IPMK: variants seen among roughly 807,000 people sequenced by gnomAD.
IPMK encodes the protein inositol 1,3,4,6-tetrakisphosphate 5-kinase.
Under a neutral mutation model 45.8 loss-of-function variants are expected in IPMK, and 17 were observed. The ratio of observed to expected loss-of-function variants is 0.37; its 90% confidence interval spans 0.25 to 0.56. The LOEUF is 0.56. Among genes scored for constraint, IPMK ranks in the 20% least tolerant of loss-of-function variants. IPMK has a pLI of 0.79. For synonymous variants in IPMK, 180 were observed against 184.3 expected (o/e 0.98, Z 0.19); for missense variants, 399 against 498.0 (o/e 0.80, Z 1.89).
chr10:58,245,392 T>A (rs1293803221), intron 1 of IPMK, among the ~76,000 whole-genome samples: 1 of 151,896 alleles, frequency 6.6e-6, no homozygotes, highest in African/African-American at 2.4e-5. Flanking sequence ...GACAGCCGGA[T>A]CACGAGGTCA....
rs745880735 is a variant in IPMK, at chr10:58,267,568, C to T, written c.44G>A (p.Gly15Asp). 1.2e-6 allele frequency: 2 copies of T among 1,608,588 alleles called. No individual in the cohort carries two copies. Among genetic ancestry groups the T allele is most frequent in the Non-Finnish European group, 8.5e-7 (1 of 1,177,842 alleles). The part of the protein sequence containing the change: ...PPSPLRVEAP[G>D]PPEMRTSPAI... ...CGGTGAGGTCCGCATTTCTGGGGGG[C>T]CCGGCGCCTCGACCCGGAGGGGGGA... The change falls in exon 1 of 6, where the codon GGC (glycine) becomes GAC (aspartate). Residue 15 changes from glycine (G) to aspartate (D), a missense_variant. Gly to Asp is a moderately conservative substitution (Grantham distance 94, BLOSUM62 -1). Around this residue, in one of 2 missense-constraint regions of IPMK, gnomAD observed 111 missense variants for 99.9 expected, o/e 1.11. Coordinates refer to ENST00000373935, the MANE Select transcript of IPMK (RefSeq NM_152230.5).
At chr10:58,233,322 G>A (rs1187894194) in intron 2 of IPMK, among the ~76,000 whole-genome samples, 2 of 152,142 alleles carry the variant, frequency 1.3e-5, no homozygotes, top group Non-Finnish European at 2.9e-5. Flanking sequence ...CTCATTTTAT[G>A]AGGCCAACAT....
At chr10:58,237,617 C>T (rs1319971804) in intron 2 of IPMK, 112 bp downstream of exon 2, 9 of 755,542 alleles carry the variant, frequency 1.2e-5, no homozygotes, top group African/African-American at 5.3e-5. Flanking sequence ...CTTTTGTTTC[C>T]GTTACATACA....
At chr10:58,228,875 A>G (rs189509254) in intron 2 of IPMK, among the ~76,000 whole-genome samples, 173 of 152,136 alleles carry the variant, frequency 1.1e-3, no homozygotes, top group African/African-American at 3.9e-3. Context: ...GCTCTCAAGG[A>G]AAAAAAAGGG....
intron 3 of IPMK, among the ~76,000 whole-genome samples, chr10:58,221,530 AT>A (rs1475175230): frequency 1.3e-5 from 2 of 152,152 alleles, no homozygotes; most frequent in Non-Finnish European, 2.9e-5. Context: ...ATCCAAAAAA[AT>A]ATAATGAACT....
chr10:58,251,725 T>A (rs1008543014), intron 1 of IPMK, among the ~76,000 whole-genome samples: 2 of 152,208 alleles, frequency 1.3e-5, no homozygotes, highest in African/African-American at 4.8e-5. Flanking sequence ...TCCTTCACCA[T>A]TATGTAACAA....
In IPMK at chr10:58,267,809, C is replaced by T; in HGVS notation, c.-198G>A. The T allele has an allele frequency of 7.8e-6, 4 of 512,354 alleles. No individual in the cohort carries two copies. In the South Asian group the frequency reaches 8.0e-5, roughly 10 times the overall value. The allele number at this position is 512,354 out of a possible 1,614,324, so 31.7% of individuals were successfully genotyped here. ...GGGCGCTCCTCTGCCCAACTCTCGG[C>T]GGAACGCGGCTCCCGGCTCCTGTTC... On this transcript the variant is annotated 5_prime_UTR_variant, in exon 1 of 6. Transcript: ENST00000373935.
chr10:58,220,171 T>C (rs1246919966), intron 3 of IPMK, among the ~76,000 whole-genome samples: 1 of 152,070 alleles, frequency 6.6e-6, no homozygotes, highest in South Asian at 2.1e-4. Context: ...TACTGTAACA[T>C]GTAAGTCCCT....
rs1451869581 is a variant in IPMK at position 58,253,736 on chromosome 10, AAAAAAAAAAAAAAAG to A, written c.190+13671_190+13685del. ...GCGACAGAGTAAGACTCCATCTCCA[AAAAAAAAAAAAAAAG>A]AAAAAAAAAGAAAAGAAAAAGAAAA... On this transcript the variant is annotated intron_variant, in intron 1 of 5. Transcript: ENST00000373935. Among the ~76,000 whole-genome samples the A allele has an allele frequency of 1.6e-5, 2 of 124,706 alleles. 1 individual carries two copies. Among genetic ancestry groups the A allele is most frequent in the East Asian group, 5.0e-4 (2 of 3,968 alleles). The allele number at this position is 124,706 out of a possible 152,430, so 81.8% of individuals were successfully genotyped here.
chr10:58,265,363 AT>A (rs1217114771), intron 1 of IPMK, among the ~76,000 whole-genome samples: 1 of 152,218 alleles, frequency 6.6e-6, no homozygotes. Flanking sequence ...AACAAAGCTT[AT>A]CCTGAGAATT....
chr10:58,224,723 T>C (rs185463580), intron 3 of IPMK, among the ~76,000 whole-genome samples: 9 of 152,282 alleles, frequency 5.9e-5, no homozygotes, highest in African/African-American at 2.2e-4. Flanking sequence ...TATAAAACTC[T>C]ACCCTGGACA....
intron 3 of IPMK, among the ~76,000 whole-genome samples, chr10:58,218,779 G>A (rs999576639): frequency 6.6e-6 from 1 of 152,164 alleles, no homozygotes; most frequent in Non-Finnish European, 1.5e-5. Context: ...AGAGAAGCTA[G>A]GGTAGAGGCT....
chr10:58,259,401 A>G (rs1839022028), intron 1 of IPMK, among the ~76,000 whole-genome samples: 1 of 152,120 alleles, frequency 6.6e-6, no homozygotes, highest in Admixed American at 6.5e-5. Context: ...CAACCATAAC[A>G]TCAAGCAGCA....
intron 4 of IPMK, among the ~76,000 whole-genome samples, chr10:58,204,689 G>T (rs1763473106): frequency 6.6e-6 from 1 of 152,000 alleles, no homozygotes. Context: ...CAATTACTTG[G>T]GAGGCTTAAG....
At chr10:58,232,516 A>G (rs1486093844) in intron 2 of IPMK, among the ~76,000 whole-genome samples, 2 of 152,260 alleles carry the variant, frequency 1.3e-5, no homozygotes, top group African/African-American at 4.8e-5. Context: ...AGAACTCAGG[A>G]TTAAGAAACT....
intron 1 of IPMK, among the ~76,000 whole-genome samples, chr10:58,260,627 T>C (rs538296517): frequency 3.3e-4 from 50 of 152,280 alleles, no homozygotes; most frequent in African/African-American, 1.1e-3. Context: ...TGTACTATTC[T>C]GGCATATTTT....
chr10:58,256,669 A>T (rs1838972736), intron 1 of IPMK, among the ~76,000 whole-genome samples: 1 of 152,156 alleles, frequency 6.6e-6, no homozygotes, highest in Non-Finnish European at 1.5e-5. Context: ...TTTGCAGTTC[A>T]GGGGGCATCA....
intron 1 of IPMK, among the ~76,000 whole-genome samples, chr10:58,262,968 C>A (rs1234373381): frequency 6.6e-6 from 1 of 152,166 alleles, no homozygotes; most frequent in African/African-American, 2.4e-5. Context: ...AGAATAAACA[C>A]AGCTTCAGGC....
At chr10:58,242,275 G>A (rs1838706226) in intron 1 of IPMK, among the ~76,000 whole-genome samples, 1 of 152,028 alleles carries the variant, frequency 6.6e-6, no homozygotes, top group Non-Finnish European at 1.5e-5. Context: ...GGCTAACATG[G>A]TGAAACCCCA....
Sources: gnomAD v4.1 joint callset for allele counts (sites outside exome capture counted in the v4.1 genomes callset) on GRCh38, gnomAD v4.1.1 for gene constraint, gnomAD v4.1.1 regional missense constraint, MANE v1.5 for transcripts, NCBI Gene and HGNC (gene_info 2026-07-23, HGNC 2026-07-21) for gene names.